Variants in SSH2 observed in about 807,000 individuals in gnomAD.
SSH2 encodes slingshot protein phosphatase 2.
A neutral mutation model predicts 135.2 loss-of-function variants in SSH2; 37 were observed. The ratio of observed to expected loss-of-function variants is 0.27; its 90% CI spans 0.21 to 0.36. The LOEUF is 0.36. Ranked by LOEUF, SSH2 falls within the 10% of genes least tolerant of loss-of-function variation. SSH2 has a pLI of 1.00. For synonymous variants in SSH2, 628 were observed against 646.2 expected (o/e 0.97, Z 0.43); for missense variants, 1,408 against 1,765.3 (o/e 0.80, Z 3.63).
At chr17:29,906,075 TA>T (rs1196567209) in intron 1 of SSH2, among the ~76,000 whole-genome samples, 3 of 152,290 alleles carry the variant, frequency 2.0e-5, no homozygotes, top group East Asian at 3.9e-4. Flanking sequence ...GTTGTAAACC[TA>T]AATAAAGCTC....
chr17:29,778,661 AAAAT>A (rs35357918), intron 3 of SSH2, among the ~76,000 whole-genome samples: 17 of 142,910 alleles, frequency 1.2e-4, no homozygotes, highest in East Asian at 1.0e-3. Flanking sequence ...TAAATAAATA[AAAAT>A]AAATAAATAA....
intron 3 of SSH2, among the ~76,000 whole-genome samples, chr17:29,752,349 C>CTT (rs1246052060): frequency 6.6e-6 from 1 of 152,014 alleles, no homozygotes; most frequent in African/African-American, 2.4e-5. Context: ...ATGAACAGAA[C>CTT]TTAAGAGTAC....
chr17:29,913,347 A>AAAAAAAAAAAAAAAAAATTATATATATAT lies in SSH2; in HGVS notation c.63+16590_63+16591insATATATATATAATTTTTTTTTTTTTTTTT. The stretch of plus-strand genomic sequence containing the variant: ...AAAAAAAAAAAAAAAAAAAAAAAAA[A>AAAAAAAAAAAAAAAAAATTATATATATAT]ATATATATATATATATATATATATA... On this transcript the variant is annotated intron_variant, in intron 1 of 15. Coordinates refer to ENST00000540801, the MANE Select transcript of SSH2 (RefSeq NM_001282129.2). Among the ~76,000 whole-genome samples the AAAAAAAAAAAAAAAAAATTATATATATAT allele has an allele frequency of 2.4e-4, 7 of 28,786 alleles. 3 individuals carry two copies. Among genetic ancestry groups the AAAAAAAAAAAAAAAAAATTATATATATAT allele is most frequent in the Non-Finnish European group, 2.9e-4 (5 of 16,996 alleles). 18.9% of individuals were successfully genotyped at this position (28,786 alleles called of 152,430 possible).
At chr17:29,775,925 T>C (rs2041689540) in intron 3 of SSH2, 1 of 152,218 alleles carries the variant, frequency 6.6e-6, no homozygotes, top group Non-Finnish European at 1.5e-5. Flanking sequence ...AATCAGGCTC[T>C]GGCTAATAGA....
chr17:29,899,384 C>G (rs534855214), intron 1 of SSH2, among the ~76,000 whole-genome samples: 9 of 152,126 alleles, frequency 5.9e-5, no homozygotes, highest in Non-Finnish European at 1.3e-4. Flanking sequence ...AAAACCCCAT[C>G]GTCTCAGCCC....
chr17:29,762,723 C>CTT (rs757892530), intron 3 of SSH2, among the ~76,000 whole-genome samples: 46 of 152,324 alleles, frequency 3.0e-4, no homozygotes, highest in Non-Finnish European at 3.8e-4. Context: ...CGCTCTCTCT[C>CTT]TCCTGCATGT....
intron 2 of SSH2, among the ~76,000 whole-genome samples, chr17:29,812,135 C>A (rs1424796658): frequency 2.7e-5 from 4 of 150,892 alleles, no homozygotes; most frequent in African/African-American, 9.7e-5. Context: ...ATTTTTATAC[C>A]CTGATACCTG....
chr17:29,812,274 A>T (rs2628176), intron 2 of SSH2, among the ~76,000 whole-genome samples: 76,672 of 151,480 alleles, frequency 0.51, 19,800 homozygotes, highest in African/African-American at 0.55. Context: ...TATGTTTTTT[A>T]AAATATATAT....
intron 12 of SSH2, among the ~76,000 whole-genome samples, chr17:29,653,680 G>A (rs879319434): frequency 2.6e-5 from 4 of 151,928 alleles, no homozygotes; most frequent in Admixed American, 6.6e-5. Flanking sequence ...GCCACCTCCC[G>A]GGTTCAAGCA....
intron 2 of SSH2, among the ~76,000 whole-genome samples, chr17:29,837,039 T>C (rs8078459): frequency 0.55 from 83,620 of 151,854 alleles, 23,396 homozygotes; most frequent in East Asian, 0.69. Context: ...GGCGGATCAC[T>C]TGAGGTCAGG....
Position 29,648,214 on chromosome 17 carries a change from G to A in SSH2, c.1357C>T (p.Arg453Ter), listed in dbSNP as rs1171387969. 3 of 1,614,104 alleles carry A rather than the reference G, an allele frequency of 1.9e-6. No individual in the cohort carries two copies. The highest frequency in any genetic ancestry group is 1.7e-6 in the Non-Finnish European group (2 of 1,180,030). Residue 453 changes from arginine (R) to a stop codon, truncating the protein, a stop_gained, in exon 14 of 16, where the codon CGA becomes TGA. Coordinates refer to ENST00000540801, the MANE Select transcript of SSH2 (RefSeq NM_001282129.2). LOFTEE classifies it high-confidence loss of function. ...CTTGGGTTGGGCTTGGTTACCGTTC[G>A]TCTTTCTTTCACATAGTCATAGGCT... Reference protein sequence around the residue: ...DRAYDYVKERRTVTKPNPSFM... With the variant: ...DRAYDYVKER
chr17:29,837,841 T>C (rs1445676529), intron 2 of SSH2, among the ~76,000 whole-genome samples: 1 of 152,226 alleles, frequency 6.6e-6, no homozygotes, highest in East Asian at 1.9e-4. Context: ...GCGCACTCCA[T>C]GGAGCTGGGG....
At chr17:29,660,838 C>T (rs2043085443) in intron 11 of SSH2, among the ~76,000 whole-genome samples, 1 of 151,548 alleles carries the variant, frequency 6.6e-6, no homozygotes, top group African/African-American at 2.4e-5. Flanking sequence ...GGGCAGATCA[C>T]CTGAGGTCAG....
At chr17:29,898,944 C>G (rs1430240564) in intron 1 of SSH2, among the ~76,000 whole-genome samples, 3 of 152,168 alleles carry the variant, frequency 2.0e-5, no homozygotes, top group Admixed American at 6.6e-5. Flanking sequence ...ATCAAGTGGG[C>G]TTCATCCCTG....
At chr17:29,782,742 C>T (rs915979918) in intron 3 of SSH2, among the ~76,000 whole-genome samples, 4 of 152,160 alleles carry the variant, frequency 2.6e-5, no homozygotes, top group African/African-American at 4.8e-5. Flanking sequence ...TGCGCCACCA[C>T]GCCTGGCTAA....
chr17:29,884,471 C>T (rs2066197254), intron 1 of SSH2, among the ~76,000 whole-genome samples: 1 of 152,160 alleles, frequency 6.6e-6, no homozygotes, highest in African/African-American at 2.4e-5. Context: ...GTGATGTCAT[C>T]TCTCTCACAG....
chr17:29,778,835 CAAAAAAAAAAAAAAAAA>C (rs60595591), intron 3 of SSH2, among the ~76,000 whole-genome samples: 4 of 37,846 alleles, frequency 1.1e-4, no homozygotes, highest in African/African-American at 2.2e-4. Flanking sequence ...CTCCGTCTCC[CAAAAAAAAAAAAAAAAA>C]AAAAAAAAAA....
intron 14 of SSH2, among the ~76,000 whole-genome samples, chr17:29,644,125 C>T (rs1439231475): frequency 2.6e-5 from 4 of 152,170 alleles, no homozygotes; most frequent in Non-Finnish European, 4.4e-5. Flanking sequence ...CAACTTTTAT[C>T]TTTTATTTGC....
At chr17:29,693,644 G>T (rs2038590204) in intron 5 of SSH2, among the ~76,000 whole-genome samples, 1 of 152,024 alleles carries the variant, frequency 6.6e-6, no homozygotes, top group Non-Finnish European at 1.5e-5. Flanking sequence ...AATATATCAA[G>T]AAATACAGAC....
Sources: gnomAD v4.1 joint callset for allele counts (sites outside exome capture counted in the v4.1 genomes callset) on GRCh38, gnomAD v4.1.1 for gene constraint, MANE v1.5 for transcripts, NCBI Gene and HGNC (gene_info 2026-07-23, HGNC 2026-07-21) for gene names.